COL27A1: variants seen among roughly 807,000 people sequenced by gnomAD.
The protein encoded by COL27A1 is collagen type XXVII alpha 1 chain.
Under a neutral mutation model 251.3 loss-of-function variants are expected in COL27A1, and 106 were observed. The observed-to-expected ratio is 0.42, with a 90% CI of 0.36 to 0.50. The LOEUF (loss-of-function observed/expected upper bound fraction) is 0.50. COL27A1 is among the 20% of genes least tolerant of loss of function. The pLI, the probability that COL27A1 is intolerant of heterozygous loss-of-function variation, is 0.00. For missense variants in COL27A1, 2,325 were observed against 2,522.8 expected (o/e 0.92, Z 1.68); for synonymous variants, 1,000 against 986.3 (o/e 1.01, Z -0.26).
At chr9:114,231,004 G>T (rs1831904101) in intron 14 of COL27A1, 75 bp from the exon 15 acceptor site, 2 of 1,302,092 alleles carry the variant, frequency 1.5e-6, no homozygotes, top group Admixed American at 1.8e-5. Flanking sequence ...GGACCTTGGG[G>T]ATTGTCCCCA....
At chr9:114,265,543 C>T (rs1834683503) in intron 32 of COL27A1, 68 bp downstream of exon 32, 1 of 1,506,672 alleles carries the variant, frequency 6.6e-7, no homozygotes, top group Non-Finnish European at 9.2e-7. Flanking sequence ...GCCAGGTGGT[C>T]AGATAAGGAG....
chr9:114,194,720 A>G (rs1828986275), intron 6 of COL27A1, among the ~76,000 whole-genome samples: 1 of 152,180 alleles, frequency 6.6e-6, no homozygotes, highest in African/African-American at 2.4e-5. Flanking sequence ...TCTCCTATGG[A>G]CACACGCTTG....
intron 11 of COL27A1, among the ~76,000 whole-genome samples, chr9:114,210,219 C>G (rs1830252714): frequency 6.6e-6 from 1 of 152,226 alleles, no homozygotes; most frequent in Non-Finnish European, 1.5e-5. Context: ...CTCAGCCTTG[C>G]TCATTTGGTT....
intron 35 of COL27A1, among the ~76,000 whole-genome samples, chr9:114,270,257 C>T (rs898737715): frequency 1.6e-4 from 25 of 152,190 alleles, no homozygotes; most frequent in Admixed American, 1.1e-3. Flanking sequence ...AAAACAGATG[C>T]CAATGAGACC....
intron 3 of COL27A1, among the ~76,000 whole-genome samples, chr9:114,174,105 G>C (rs1052232210): frequency 1.3e-5 from 2 of 151,972 alleles, no homozygotes; most frequent in Non-Finnish European, 2.9e-5. Flanking sequence ...AGCCTCCTAA[G>C]TACCTGGGAT....
At chr9:114,163,383 A>G (rs1848624185) in intron 2 of COL27A1, among the ~76,000 whole-genome samples, 1 of 151,312 alleles carries the variant, frequency 6.6e-6, no homozygotes, top group Non-Finnish European at 1.5e-5. Flanking sequence ...TGTTTGTCCA[A>G]TGAGTGCTCT....
rs370854059 is a variant in COL27A1 at position 114,231,050 on chromosome 9, A to G, written c.2467-29A>G. 16 of 1,608,106 alleles carry G rather than the reference A, an allele frequency of 9.9e-6. No homozygotes were observed. In the African/African-American group the frequency reaches 2.1e-4, roughly 21 times the overall value. Reference sequence around the variant, plus strand: ...CAGCCTCCTGTGGGCCACTGCTCACAGCACCCTCTTCTCTTTCTCTCCCCA... The same window carrying G: ...CAGCCTCCTGTGGGCCACTGCTCACGGCACCCTCTTCTCTTTCTCTCCCCA... On this transcript the variant is annotated intron_variant, in intron 14 of 60. Coordinates refer to ENST00000356083, the MANE Select transcript of COL27A1 (RefSeq NM_032888.4).
intron 34 of COL27A1, among the ~76,000 whole-genome samples, chr9:114,268,377 C>T (rs1387208010): frequency 3.3e-5 from 5 of 152,272 alleles, no homozygotes; most frequent in South Asian, 2.1e-4. Context: ...TCCTCCTGTG[C>T]CCCTAGACAC....
chr9:114,231,449 A>G (rs1314749324), intron 15 of COL27A1, among the ~76,000 whole-genome samples: 2 of 152,198 alleles, frequency 1.3e-5, no homozygotes, highest in Non-Finnish European at 2.9e-5. Flanking sequence ...ATGGCAAACC[A>G]GTGAACTCAG....
intron 12 of COL27A1, chr9:114,218,163 G>C (rs138456724): frequency 4.5e-6 from 1 of 222,854 alleles, no homozygotes; most frequent in Non-Finnish European, 9.0e-6. Flanking sequence ...TCTTGTCCCA[G>C]GAGGTGAGAC....
In COL27A1 at chr9:114,162,619, G is replaced by A. The variant is rs574344563; in HGVS notation, c.63-96G>A. The A allele has an allele frequency of 6.7e-5, 59 of 876,904 alleles. 1 individual carries two copies. In the African/African-American group the frequency reaches 7.6e-4, roughly 11 times the overall value. The allele number at this position is 876,904 out of a possible 1,614,324, so 54.3% of individuals were successfully genotyped here. On this transcript the variant is annotated intron_variant, in intron 1 of 60. Transcript: ENST00000356083. Reference sequence around the variant, plus strand: ...CCTCCCGTGGGCAGGACTGGGGTGAGACTGGGACTGGTTTCCACTCCCAGC... The same window carrying A: ...CCTCCCGTGGGCAGGACTGGGGTGAAACTGGGACTGGTTTCCACTCCCAGC...
In COL27A1 at chr9:114,283,754, G is replaced by A. The variant is rs766822262; in HGVS notation, c.3925G>A (p.Gly1309Ser). Residue 1309 changes from glycine to serine, a missense_variant, in exon 40 of 61, where the codon GGT (glycine) becomes AGT (serine). Physicochemically the swap from Gly to Ser is moderately conservative, Grantham distance 56. This residue lies in a region of COL27A1 where 662 missense variants were observed against 795.3 expected (regional missense o/e 0.83). Transcript: ENST00000356083. ...MGAQGEPGLA[G>S]YDGHKGIVGP... is the part of the protein sequence containing the mutation. ...GGCCCAAGGAGAACCGGGACTGGCT[G>A]GTTATGATGTAAGCAGATATCACCT... is the stretch of plus-strand genomic sequence containing the variant. 1.2e-6 allele frequency: 2 copies of A among 1,614,096 alleles called. No individual in the cohort carries two copies. Among genetic ancestry groups the A allele is most frequent in the South Asian group, 2.2e-5 (2 of 91,086 alleles).
At chr9:114,193,418 C>T (rs1828885982) in intron 5 of COL27A1, among the ~76,000 whole-genome samples, 2 of 152,132 alleles carry the variant, frequency 1.3e-5, no homozygotes. Context: ...ACAAAGAGTG[C>T]TTGCCTCTGA....
intron 24 of COL27A1, among the ~76,000 whole-genome samples, chr9:114,249,364 C>T (rs371584723): frequency 6.6e-6 from 1 of 152,234 alleles, no homozygotes; most frequent in African/African-American, 2.4e-5. Context: ...AGAAAGTTCT[C>T]TGAACCCAGG....
intron 5 of COL27A1, among the ~76,000 whole-genome samples, chr9:114,193,457 C>A (rs2135236068): frequency 6.6e-6 from 1 of 152,224 alleles, no homozygotes; most frequent in East Asian, 1.9e-4. Context: ...TCAGTTTCTC[C>A]TCAAGTTACT....
chr9:114,263,817 C>T (rs1205427383), intron 28 of COL27A1, among the ~76,000 whole-genome samples: 1 of 152,182 alleles, frequency 6.6e-6, no homozygotes, highest in Non-Finnish European at 1.5e-5. Flanking sequence ...ACCTCATGGG[C>T]TCTTCCTCTG....
intron 4 of COL27A1, 126 bp downstream of exon 4, chr9:114,178,470 T>C (rs1827644607): frequency 1.1e-6 from 1 of 870,986 alleles, no homozygotes; most frequent in Non-Finnish European, 1.9e-6. Flanking sequence ...GCACCCATAT[T>C]TGGCTTTATC....
intron 14 of COL27A1, among the ~76,000 whole-genome samples, chr9:114,230,610 G>A (rs1229524257): frequency 2.0e-5 from 3 of 152,136 alleles, no homozygotes; most frequent in African/African-American, 4.8e-5. Context: ...CTCCTTACTT[G>A]CTGCCCTCCT....
At chr9:114,300,744 C>G (rs1463919805) in intron 51 of COL27A1, 57 bp downstream of exon 51, 1 of 1,388,698 alleles carries the variant, frequency 7.2e-7, no homozygotes, top group African/African-American at 1.5e-5. Context: ...CAAGGTTGGC[C>G]AGCCATCAGC....
Sources: gnomAD v4.1 joint callset for allele counts (sites outside exome capture counted in the v4.1 genomes callset) on GRCh38, gnomAD v4.1.1 for gene constraint, gnomAD v4.1.1 regional missense constraint, MANE v1.5 for transcripts, NCBI Gene and HGNC (gene_info 2026-07-23, HGNC 2026-07-21) for gene names.